COL22A1: variants seen among roughly 807,000 people sequenced by gnomAD.
COL22A1 encodes the protein collagen type XXII alpha 1 chain.
A neutral mutation model predicts 248.9 loss-of-function variants in COL22A1; 221 were observed. That is an observed-to-expected ratio of 0.89 (90% CI 0.80 to 0.99). COL22A1 has a LOEUF of 0.99. Ranked by LOEUF, COL22A1 falls within the 50% of genes least tolerant of loss-of-function variation. The pLI, the probability that COL22A1 is intolerant of heterozygous loss-of-function variation, is 0.00. For missense variants in COL22A1, 2,240 were observed against 2,179.0 expected, an observed-to-expected ratio of 1.03 and a Z score of -0.56; for synonymous variants, 891 against 793.4, an observed-to-expected ratio of 1.12 and a Z score of -2.07.
chr8:138,824,998 G>T (rs1366968696), intron 6 of COL22A1, among the ~76,000 whole-genome samples: 1 of 152,200 alleles, frequency 6.6e-6, no homozygotes, highest in East Asian at 1.9e-4. Context: ...ACAGGACACA[G>T]ACAGCTCTGC....
chr8:138,903,987 CCA>C (rs1349455654), intron 1 of COL22A1, among the ~76,000 whole-genome samples: 1 of 152,080 alleles, frequency 6.6e-6, no homozygotes, highest in Non-Finnish European at 1.5e-5. Context: ...GCCCCTGCAC[CCA>C]GATTTGTCAA....
chr8:138,645,852 G>T (rs1164777218), intron 47 of COL22A1, among the ~76,000 whole-genome samples: 1 of 152,184 alleles, frequency 6.6e-6, no homozygotes, highest in African/African-American at 2.4e-5. Context: ...CCTGAGTGTT[G>T]GTGGGGAAGG....
Position 138,872,291 on chromosome 8 carries a change from G to A in COL22A1, c.658+5459C>T, listed in dbSNP as rs1426183045. On this transcript the variant is annotated intron_variant, in intron 3 of 64. Transcript: ENST00000303045. The stretch of plus-strand genomic sequence containing the variant: ...CATCCACAACAGGGTGGGAGAGGGG[G>A]AGGGGATGACCACACATCCGGAGAG... Among the ~76,000 whole-genome samples, 3 of 152,182 alleles carry A rather than the reference G, an allele frequency of 2.0e-5. No individual in the cohort carries two copies. In the East Asian group the frequency reaches 5.8e-4, roughly 29 times the overall value.
At chr8:138,805,383 G>GCGTGGGTGTGTGAT (rs1817442047) in intron 10 of COL22A1, among the ~76,000 whole-genome samples, 1 of 148,414 alleles carries the variant, frequency 6.7e-6, no homozygotes, top group African/African-American at 2.5e-5. Context: ...GTGATGGTGT[G>GCGTGGGTGTGTGAT]GGCATGTGAT....
intron 44 of COL22A1, among the ~76,000 whole-genome samples, chr8:138,658,866 A>C (rs1823530754): frequency 6.6e-6 from 1 of 150,816 alleles, no homozygotes; most frequent in African/African-American, 2.5e-5. Context: ...AATCTAACAG[A>C]TCTTCTCTCT....
chr8:138,849,425 G>C (rs1043763459), intron 3 of COL22A1, among the ~76,000 whole-genome samples: 1 of 152,166 alleles, frequency 6.6e-6, no homozygotes, highest in African/African-American at 2.4e-5. Context: ...AAGAAAGGGG[G>C]ACTAACTTCT....
At chr8:138,598,965 A>C in intron 60 of COL22A1, 67 bp from the exon 61 acceptor site, 1 of 1,537,294 alleles carries the variant, frequency 6.5e-7, no homozygotes, top group Non-Finnish European at 8.9e-7. Flanking sequence ...GCAGCTGCAA[A>C]AGGGGTTCCC....
intron 1 of COL22A1, among the ~76,000 whole-genome samples, chr8:138,883,633 T>C (rs559999365): frequency 6.6e-6 from 1 of 152,242 alleles, no homozygotes; most frequent in South Asian, 2.1e-4. Flanking sequence ...ATGGGGGCAG[T>C]TTCCCCCATG....
intron 9 of COL22A1, among the ~76,000 whole-genome samples, chr8:138,809,765 G>C (rs573896446): frequency 2.0e-5 from 3 of 151,930 alleles, no homozygotes; most frequent in African/African-American, 7.2e-5. Context: ...TGATCTGCCT[G>C]CCTCGGCCTC....
intron 12 of COL22A1, among the ~76,000 whole-genome samples, chr8:138,791,537 C>T (rs1816038411): frequency 1.3e-5 from 2 of 152,170 alleles, no homozygotes; most frequent in South Asian, 4.1e-4. Context: ...CAGAGGAATT[C>T]CAGGCACCTT....
intron 43 of COL22A1, among the ~76,000 whole-genome samples, chr8:138,660,843 C>CAT (rs1564158025): frequency 2.2e-5 from 3 of 139,082 alleles, no homozygotes; most frequent in Non-Finnish European, 3.1e-5. Flanking sequence ...CACACAGACA[C>CAT]ACACACACAT....
intron 7 of COL22A1, among the ~76,000 whole-genome samples, chr8:138,815,379 G>A (rs572855920): frequency 5.9e-5 from 9 of 152,178 alleles, no homozygotes; most frequent in East Asian, 1.9e-4. Flanking sequence ...CACGAAAGCC[G>A]AACTCTTGCT....
At chr8:138,778,258 A>T in intron 15 of COL22A1, 95 bp downstream of exon 15, 1 of 1,355,850 alleles carries the variant, frequency 7.4e-7, no homozygotes, top group Non-Finnish European at 1.1e-6. Context: ...AAACAGCATT[A>T]CTGTCTAGAT....
chr8:138,793,478 A>G (rs1816242367), intron 12 of COL22A1, among the ~76,000 whole-genome samples: 1 of 152,128 alleles, frequency 6.6e-6, no homozygotes, highest in Non-Finnish European at 1.5e-5. Flanking sequence ...GAGGAAGCAG[A>G]GTCCCAGAGA....
intron 5 of COL22A1, among the ~76,000 whole-genome samples, chr8:138,829,873 T>G (rs1819896721): frequency 1.3e-5 from 2 of 152,216 alleles, no homozygotes; most frequent in Admixed American, 6.5e-5. Context: ...GTTAATGACT[T>G]TTTATTCCCC....
chr8:138,901,013 T>G (rs1814512069), intron 1 of COL22A1, among the ~76,000 whole-genome samples: 1 of 152,208 alleles, frequency 6.6e-6, no homozygotes, highest in Non-Finnish European at 1.5e-5. Context: ...TGTTGTTTTA[T>G]AGTATTCTTT....
At chr8:138,644,488 C>A (rs1822021625) in intron 47 of COL22A1, among the ~76,000 whole-genome samples, 1 of 151,442 alleles carries the variant, frequency 6.6e-6, no homozygotes, top group Admixed American at 6.6e-5. Context: ...ACTGTACAGA[C>A]CCCCTCTTGG....
intron 45 of COL22A1, among the ~76,000 whole-genome samples, chr8:138,651,798 AT>A (rs1223068146): frequency 6.6e-6 from 1 of 152,208 alleles, no homozygotes; most frequent in Non-Finnish European, 1.5e-5. Context: ...CCACTGAGAT[AT>A]TTCTGGACTT....
intron 37 of COL22A1, 41 bp from the exon 38 acceptor site, chr8:138,685,353 C>A (rs1219956315): frequency 6.5e-7 from 1 of 1,539,318 alleles, no homozygotes; most frequent in South Asian, 1.1e-5. Flanking sequence ...CAATTACACT[C>A]AGCACGAAGC....
Sources: allele counts gnomAD v4.1 joint callset (sites outside exome capture counted in the v4.1 genomes callset), GRCh38; gene constraint gnomAD v4.1.1; transcripts MANE v1.5; gene names NCBI Gene and HGNC (gene_info 2026-07-23, HGNC 2026-07-21).